The following PTPN1 variants were observed in gnomAD, a reference collection of about 807,000 sequenced individuals.
PTPN1 encodes the protein protein tyrosine phosphatase non-receptor type 1.
A neutral mutation model predicts 59.9 loss-of-function variants in PTPN1; 12 were observed. That is an observed-to-expected ratio of 0.20 (90% confidence interval 0.13 to 0.32). The LOEUF (loss-of-function observed/expected upper bound fraction) is 0.32, where lower values mean the gene tolerates loss of function less well. Among genes scored for constraint, PTPN1 ranks in the 10% least tolerant of loss-of-function variants. The probability of loss-of-function intolerance (pLI) is 1.00; values close to 1 mark genes in which losing one functional copy is unlikely to be tolerated. For missense variants in PTPN1, 356 were observed against 549.2 expected (o/e 0.65, Z 3.52); for synonymous variants, 178 against 203.6 (o/e 0.87, Z 1.07).
chr20:50,575,477 G>T (rs2122798227), intron 5 of PTPN1, among the ~76,000 whole-genome samples: 1 of 152,366 alleles, frequency 6.6e-6, no homozygotes, highest in South Asian at 2.1e-4. Flanking sequence ...TGTAGCACGG[G>T]CTTTATCTGA....
Position 50,541,581 on chromosome 20 carries a change from A to AC in PTPN1, c.64-19779dup, listed in dbSNP as rs2082652759. On this transcript the variant is annotated intron_variant, in intron 1 of 9. Coordinates refer to ENST00000371621, the MANE Select transcript of PTPN1 (RefSeq NM_002827.4). ...CTTTCTAAGAGCCTGGGCAAACCAGACCCGGTCGCAGGTCATCGTAGTATG... is the reference window on the plus strand; with the variant it reads ...CTTTCTAAGAGCCTGGGCAAACCAGACCCCGGTCGCAGGTCATCGTAGTATG... Among the ~76,000 whole-genome samples, 3 of 152,070 alleles carry AC rather than the reference A, an allele frequency of 2.0e-5. No individual in the cohort carries two copies. In the South Asian group the frequency reaches 6.2e-4, roughly 32 times the overall value.
At chr20:50,563,239 C>T (rs2122780060) in intron 2 of PTPN1, 1 of 152,278 alleles carries the variant, frequency 6.6e-6, no homozygotes, top group East Asian at 1.9e-4. Flanking sequence ...CTACTCCTAT[C>T]CTCCAGTAGA....
chr20:50,558,229 A>C (rs542366547), intron 1 of PTPN1, among the ~76,000 whole-genome samples: 2 of 152,304 alleles, frequency 1.3e-5, no homozygotes, highest in Non-Finnish European at 2.9e-5. Flanking sequence ...ATTTTCCACA[A>C]GATCAGTGAG....
rs1391824852 is a variant in PTPN1 at position 50,578,521 on chromosome 20, C to T, written c.594C>T (p.Val198=). The part of the protein sequence containing the change: ...PASFLNFLFK[V]RESGSLSPEH... ...CATTCTTGAACTTTCTTTTCAAAGT[C>T]CGAGAGTCAGGGTCACTCAGCCCGG... Residue 198 remains valine (V), a synonymous_variant, in exon 6 of 10, where the codon GTC becomes GTT. Transcript: ENST00000371621. 1.2e-6 allele frequency: 2 copies of T among 1,614,222 alleles called. No homozygotes were observed. Among genetic ancestry groups the T allele is most frequent in the East Asian group, 4.5e-5 (2 of 44,880 alleles).
At chr20:50,527,547 G>C (rs988717433) in intron 1 of PTPN1, among the ~76,000 whole-genome samples, 26 of 152,064 alleles carry the variant, frequency 1.7e-4, no homozygotes, top group African/African-American at 6.3e-4. Flanking sequence ...GCTTCACCAT[G>C]TTGGCCAGGC....
rs555865300 is a variant in PTPN1 at position 50,583,953 on chromosome 20, A to G, written c.*1238A>G. The G allele has an allele frequency of 1.3e-5, 2 of 152,428 alleles. No individual in the cohort carries two copies. The highest frequency in any genetic ancestry group is 2.9e-5 in the Non-Finnish European group (2 of 68,026). 9.4% of individuals were successfully genotyped at this position (152,428 alleles called of 1,614,324 possible). On this transcript the variant is annotated 3_prime_UTR_variant, in exon 10 of 10. Transcript: ENST00000371621. The stretch of plus-strand genomic sequence containing the variant: ...AAGAGAGGCACCTGCTGGAAACCAC[A>G]CTTCTTGAAACAGCCTGGGTGACGG...
chr20:50,560,166 A>G (rs1299327255), intron 1 of PTPN1, among the ~76,000 whole-genome samples: 1 of 152,040 alleles, frequency 6.6e-6, no homozygotes, highest in East Asian at 1.9e-4. Context: ...CTCTTGGGGA[A>G]AAGGACTCGA....
chr20:50,514,403 G>T (rs2082520182), intron 1 of PTPN1, among the ~76,000 whole-genome samples: 1 of 152,186 alleles, frequency 6.6e-6, no homozygotes, highest in African/African-American at 2.4e-5. Flanking sequence ...TTTTGACTTA[G>T]CTACTGAAAT....
intron 1 of PTPN1, among the ~76,000 whole-genome samples, chr20:50,555,819 C>A (rs540404282): frequency 2.2e-3 from 340 of 151,856 alleles, no homozygotes; most frequent in Non-Finnish European, 3.3e-3. Flanking sequence ...AAATCAGTTG[C>A]AACTGTTATT....
At chr20:50,520,195 A>C (rs1157376444) in intron 1 of PTPN1, among the ~76,000 whole-genome samples, 1 of 152,032 alleles carries the variant, frequency 6.6e-6, no homozygotes, top group Non-Finnish European at 1.5e-5. Flanking sequence ...AACATGGTGA[A>C]ACCCTGTCTC....
chr20:50,513,246 C>T (rs140848083), intron 1 of PTPN1, among the ~76,000 whole-genome samples: 4 of 152,312 alleles, frequency 2.6e-5, no homozygotes, highest in Non-Finnish European at 5.9e-5. Context: ...AAAAAGTCAG[C>T]TTTGATAGTG....
chr20:50,542,865 G>C (rs1288227061), intron 1 of PTPN1, among the ~76,000 whole-genome samples: 3 of 152,196 alleles, frequency 2.0e-5, no homozygotes, highest in Non-Finnish European at 2.9e-5. Flanking sequence ...AAAAGATCTT[G>C]CATCTGTTGC....
intron 1 of PTPN1, among the ~76,000 whole-genome samples, chr20:50,534,391 G>A (rs755951224): frequency 9.2e-5 from 14 of 152,100 alleles, no homozygotes; most frequent in Non-Finnish European, 1.9e-4. Flanking sequence ...AAAATATGCT[G>A]CATTATTTTA....
intron 1 of PTPN1, among the ~76,000 whole-genome samples, chr20:50,516,318 T>C (rs565438405): frequency 2.0e-5 from 3 of 152,316 alleles, no homozygotes; most frequent in East Asian, 3.9e-4. Context: ...GTTTTGCTTT[T>C]TCTAGTGTCC....
At chr20:50,545,296 A>ACATTG (rs1159835029) in intron 1 of PTPN1, among the ~76,000 whole-genome samples, 1 of 152,142 alleles carries the variant, frequency 6.6e-6, no homozygotes, top group African/African-American at 2.4e-5. Context: ...GTCACCCTGA[A>ACATTG]CATTGCATGC....
chr20:50,574,826 C>T, intron 5 of PTPN1, 172 bp downstream of exon 5: 1 of 739,566 alleles, frequency 1.4e-6, no homozygotes, highest in South Asian at 2.1e-5. Flanking sequence ...CTACCAAGTG[C>T]CCAGGGAGGG....
chr20:50,521,399 T>A (rs2082550173), intron 1 of PTPN1, among the ~76,000 whole-genome samples: 1 of 152,262 alleles, frequency 6.6e-6, no homozygotes. Flanking sequence ...TGCTGTTTAT[T>A]ATATACTGTC....
At chr20:50,581,133 TGGAA>T in intron 8 of PTPN1, 128 bp from the exon 9 acceptor site, 1 of 1,392,974 alleles carries the variant, frequency 7.2e-7, no homozygotes, top group Non-Finnish European at 9.4e-7. Context: ...GCTGGCTCGC[TGGAA>T]GGTTAACATC....
At chr20:50,516,637 G>A (rs1360471066) in intron 1 of PTPN1, among the ~76,000 whole-genome samples, 2 of 152,246 alleles carry the variant, frequency 1.3e-5, no homozygotes, top group South Asian at 2.1e-4. Flanking sequence ...GTTTTTTCCC[G>A]AGGGGCATGA....
Sources: gnomAD v4.1 joint callset for allele counts (sites outside exome capture counted in the v4.1 genomes callset) on GRCh38, gnomAD v4.1.1 for gene constraint, MANE v1.5 for transcripts, NCBI Gene and HGNC (gene_info 2026-07-23, HGNC 2026-07-21) for gene names.